The following CSGALNACT1 variants were observed in gnomAD, a reference collection of about 807,000 sequenced individuals.
CSGALNACT1 encodes the protein chondroitin sulfate N-acetylgalactosaminyltransferase 1, also known as beta4GalNAcT-1.
Under a neutral mutation model 51.0 loss-of-function variants are expected in CSGALNACT1, and 52 were observed. The observed-to-expected ratio is 1.02, with a 90% CI of 0.82 to 1.29. CSGALNACT1 has a LOEUF of 1.29. Ranked by LOEUF, CSGALNACT1 falls within the 50% of genes most tolerant of loss-of-function variation. CSGALNACT1 has a pLI of 0.00. For synonymous variants in CSGALNACT1, 341 were observed against 254.4 expected (o/e 1.34, Z -3.24); for missense variants, 935 against 679.2 (o/e 1.38, Z -4.19).
chr8:19,612,690 G>C lies in CSGALNACT1; in HGVS notation c.-543-10825C>G, dbSNP rs145143267. Among the ~76,000 whole-genome samples the C allele has an allele frequency of 4.5e-3, 682 of 152,078 alleles. 5 individuals are homozygous for C. The highest frequency in any genetic ancestry group is 0.015 in the African/African-American group (636 of 41,466). On this transcript the variant is annotated intron_variant, in intron 1 of 9. Coordinates refer to the CSGALNACT1 transcript ENST00000332246. ...TCTCCTTGTGTAGCTTCCGACATCT[G>C]AGATGATCCAAAGTCCTACTACATG...
chr8:19,407,402 C>A (rs1026261117), intron 9 of CSGALNACT1, among the ~76,000 whole-genome samples: 1 of 152,120 alleles, frequency 6.6e-6, no homozygotes, highest in African/African-American at 2.4e-5. Flanking sequence ...CCATGCCACA[C>A]CCTGAGGGCA....
At chr8:19,676,239 G>A (rs1036941286) in intron 1 of CSGALNACT1, among the ~76,000 whole-genome samples, 2 of 152,212 alleles carry the variant, frequency 1.3e-5, no homozygotes, top group Middle Eastern at 3.4e-3. Context: ...GACAATCAAC[G>A]GATGCCAACT....
At chr8:19,640,500 T>A (rs1200188544) in intron 1 of CSGALNACT1, among the ~76,000 whole-genome samples, 2 of 152,212 alleles carry the variant, frequency 1.3e-5, no homozygotes, top group Non-Finnish European at 2.9e-5. Context: ...CAGCCATATT[T>A]TCATTTACTT....
At chr8:19,517,041 A>G (rs1039732500) in intron 3 of CSGALNACT1, among the ~76,000 whole-genome samples, 3 of 152,192 alleles carry the variant, frequency 2.0e-5, no homozygotes, top group African/African-American at 7.2e-5. Flanking sequence ...ATGTGGGTGT[A>G]AGACGCCAGG....
At chr8:19,499,724 C>G (rs1479673270) in intron 4 of CSGALNACT1, among the ~76,000 whole-genome samples, 1 of 152,192 alleles carries the variant, frequency 6.6e-6, no homozygotes, top group African/African-American at 2.4e-5. Flanking sequence ...TCTGTCCCCT[C>G]CACCTCGGAG....
intron 4 of CSGALNACT1, among the ~76,000 whole-genome samples, chr8:19,504,279 T>C (rs1463412223): frequency 6.6e-6 from 1 of 152,146 alleles, no homozygotes; most frequent in Non-Finnish European, 1.5e-5. Flanking sequence ...GGTTTCACCG[T>C]GTTAGCCAGG....
intron 3 of CSGALNACT1, among the ~76,000 whole-genome samples, chr8:19,555,994 T>C (rs36106419): frequency 0.15 from 23,006 of 152,188 alleles, 2,284 homozygotes; most frequent in East Asian, 0.3. Flanking sequence ...CATTCTGTGG[T>C]GTGTTTTTTT....
At chr8:19,447,582 T>C (rs1048403070) in intron 5 of CSGALNACT1, among the ~76,000 whole-genome samples, 1 of 152,154 alleles carries the variant, frequency 6.6e-6, no homozygotes, top group South Asian at 2.1e-4. Context: ...CAATAGGATG[T>C]GTGGCAGCAT....
At chr8:19,443,420 A>G (rs376199565) in intron 5 of CSGALNACT1, among the ~76,000 whole-genome samples, 1 of 152,178 alleles carries the variant, frequency 6.6e-6, no homozygotes, top group Non-Finnish European at 1.5e-5. Context: ...CATGCTGCTA[A>G]TAAAGACATA....
chr8:19,622,671 T>C (rs900591516), intron 1 of CSGALNACT1, among the ~76,000 whole-genome samples: 10 of 152,122 alleles, frequency 6.6e-5, no homozygotes, highest in African/African-American at 2.4e-4. Context: ...AATTAGCCTT[T>C]AGTAAGTCAA....
chr8:19,655,607 C>G (rs1029947204), intron 1 of CSGALNACT1, among the ~76,000 whole-genome samples: 3 of 151,548 alleles, frequency 2.0e-5, no homozygotes, highest in African/African-American at 7.3e-5. Flanking sequence ...TTTGCAGAGA[C>G]AGAGTTTTGC....
intron 1 of CSGALNACT1, among the ~76,000 whole-genome samples, chr8:19,656,366 TG>T (rs2058272427): frequency 6.6e-6 from 1 of 152,118 alleles, no homozygotes. Context: ...TTATATGGCC[TG>T]AAAAACCTCA....
rs1261256608 is a variant in CSGALNACT1 at position 19,545,898 on chromosome 8, T to C, written c.-296-39768A>G. ...GTTATATGCTATATGTGTATACATA[T>C]ATAAGTTTATTTTTCTAAAACAGCA... On this transcript the variant is annotated intron_variant, in intron 3 of 9. Coordinates refer to ENST00000454498, the Ensembl canonical transcript of CSGALNACT1. 2.7e-5 allele frequency among the ~76,000 whole-genome samples: 4 copies of C among 149,460 alleles called. No individual in the cohort carries two copies. The East Asian group carries it at 7.8e-4, about 29-fold the overall frequency.
chr8:19,596,239 T>C (rs2048872145), intron 2 of CSGALNACT1, among the ~76,000 whole-genome samples: 1 of 152,148 alleles, frequency 6.6e-6, no homozygotes, highest in Non-Finnish European at 1.5e-5. Flanking sequence ...CTACTTCCTA[T>C]GTGTCAGCTG....
chr8:19,589,753 A>G (rs982286398), intron 3 of CSGALNACT1, among the ~76,000 whole-genome samples: 4 of 152,242 alleles, frequency 2.6e-5, no homozygotes, highest in African/African-American at 9.6e-5. Context: ...TGTTACAAAA[A>G]GGTATGTTAG....
rs1337888553 is a variant in CSGALNACT1 at position 19,508,435 on chromosome 8, G to A, written c.-296-2305C>T. Among the ~76,000 whole-genome samples, 7 of 152,190 alleles carry A rather than the reference G, an allele frequency of 4.6e-5. No homozygotes were observed. The East Asian group carries it at 1.3e-3, about 29-fold the overall frequency. On this transcript the variant is annotated intron_variant, in intron 3 of 9. Coordinates refer to ENST00000454498, the Ensembl canonical transcript of CSGALNACT1. Reference sequence around the variant, plus strand: ...AATTTAGAACAACACACAGTTATTAGTGCTAAGTTTAAAGTGCATGTTTAG... The same window carrying A: ...AATTTAGAACAACACACAGTTATTAATGCTAAGTTTAAAGTGCATGTTTAG...
At chr8:19,664,910 A>G (rs145264020) in intron 1 of CSGALNACT1, among the ~76,000 whole-genome samples, 6 of 152,334 alleles carry the variant, frequency 3.9e-5, no homozygotes, top group African/African-American at 9.6e-5. Context: ...GGTGAGAGAC[A>G]ACAAATTACG....
chr8:19,405,029 A>T (rs768907520), exon 10 of CSGALNACT1: 142 of 453,570 alleles, frequency 3.1e-4, no homozygotes, highest in South Asian at 2.2e-3. Flanking sequence ...GAAAGTTCTC[A>T]TAATGCATCT....
At chr8:19,582,924 A>G (rs1422173287) in intron 3 of CSGALNACT1, among the ~76,000 whole-genome samples, 1 of 152,174 alleles carries the variant, frequency 6.6e-6, no homozygotes, top group Non-Finnish European at 1.5e-5. Context: ...CCATTTCAAC[A>G]AGTCCCATTT....
Sources: gnomAD v4.1 joint callset for allele counts (sites outside exome capture counted in the v4.1 genomes callset) on GRCh38, gnomAD v4.1.1 for gene constraint, MANE v1.5 for transcripts, NCBI Gene and HGNC (gene_info 2026-07-23, HGNC 2026-07-21) for gene names.